Variants in CDC42BPA observed in about 807,000 individuals in gnomAD.
CDC42BPA encodes CDC42 binding protein kinase alpha.
In CDC42BPA, 80 loss-of-function variants were observed where a neutral mutation model predicts 223.5. The observed-to-expected ratio is 0.36, with a 90% CI of 0.30 to 0.43. The LOEUF (loss-of-function observed/expected upper bound fraction) is 0.43, where lower values mean the gene tolerates loss of function less well. Among genes scored for constraint, CDC42BPA ranks in the 20% least tolerant of loss-of-function variants. The probability of loss-of-function intolerance (pLI) is 1.00; values close to 1 mark genes in which losing one functional copy is unlikely to be tolerated. For missense variants in CDC42BPA, 1,743 were observed against 2,099.9 expected, an observed-to-expected ratio of 0.83 and a Z score of 3.32; for synonymous variants, 694 against 718.6, an observed-to-expected ratio of 0.97 and a Z score of 0.55.
At chr1:227,116,805 A>G (rs1687846974) in intron 12 of CDC42BPA, among the ~76,000 whole-genome samples, 1 of 152,188 alleles carries the variant, frequency 6.6e-6, no homozygotes, top group African/African-American at 2.4e-5. Flanking sequence ...TAAGAGATTT[A>G]CCTTCTGGAG....
At chr1:227,271,837 T>C (rs1314584162) in intron 1 of CDC42BPA, among the ~76,000 whole-genome samples, 1 of 152,188 alleles carries the variant, frequency 6.6e-6, no homozygotes, top group East Asian at 1.9e-4. Context: ...AACAATCTCA[T>C]TACATGCCTT....
intron 1 of CDC42BPA, among the ~76,000 whole-genome samples, chr1:227,259,008 T>C (rs368541680): frequency 1.3e-5 from 2 of 151,260 alleles, no homozygotes; most frequent in East Asian, 3.9e-4. Context: ...TCTGAATAGA[T>C]GCTATTAGTG....
chr1:227,001,864 G>A (rs1662920131), intron 35 of CDC42BPA, among the ~76,000 whole-genome samples: 1 of 152,016 alleles, frequency 6.6e-6, no homozygotes, highest in Admixed American at 6.6e-5. Context: ...CCAAGATCGT[G>A]CCACTGCACT....
rs1039979787 is a variant in CDC42BPA, at chr1:226,991,992, G to A, written c.*2276C>T. ...TGGGGATGGGGAGGGTGGGAAGAGT[G>A]AGGAGGAGAGGAGGGGAGGGTGGGG... On this transcript the variant is annotated 3_prime_UTR_variant, in exon 37 of 37. Coordinates refer to ENST00000366766, the MANE Select transcript of CDC42BPA (RefSeq NM_001394014.1). 1 of 139,322 alleles carries A rather than the reference G, an allele frequency of 7.2e-6. No homozygotes were observed. The highest frequency in any genetic ancestry group is 7.2e-5 in the Admixed American group (1 of 13,900). 8.6% of individuals were successfully genotyped at this position (139,322 alleles called of 1,614,324 possible).
rs1661038962 is a variant in CDC42BPA at position 226,993,769 on chromosome 1, TAATTCATAA to T, written c.*490_*498del. On this transcript the variant is annotated 3_prime_UTR_variant, in exon 37 of 37. Coordinates refer to ENST00000366766, the MANE Select transcript of CDC42BPA (RefSeq NM_001394014.1). ...TACTGTAGTAAAATATGCATTGTTT[TAATTCATAA>T]GGATTTCCTGGCAACAATCAGGTTG... 1 of 154,958 alleles carries T rather than the reference TAATTCATAA, an allele frequency of 6.5e-6. No individual in the cohort carries two copies. Among genetic ancestry groups the T allele is most frequent in the Non-Finnish European group, 1.4e-5 (1 of 69,400 alleles). The allele number at this position is 154,958 out of a possible 1,614,324, so 9.6% of individuals were successfully genotyped here. A position where few individuals can be genotyped will look rare whatever the true frequency, so the allele number is the denominator to read the frequency against.
chr1:227,073,609 G>T (rs1461845726), intron 19 of CDC42BPA, among the ~76,000 whole-genome samples: 1 of 151,994 alleles, frequency 6.6e-6, no homozygotes, highest in Non-Finnish European at 1.5e-5. Context: ...ATTTTATGAG[G>T]AAAATTAAAT....
intron 1 of CDC42BPA, among the ~76,000 whole-genome samples, chr1:227,302,943 G>A (rs956813126): frequency 5.4e-5 from 8 of 148,814 alleles, no homozygotes; most frequent in Non-Finnish European, 1.0e-4. Flanking sequence ...CTGACTTCAT[G>A]ATTGCAGGAT....
intron 24 of CDC42BPA, among the ~76,000 whole-genome samples, chr1:227,038,994 C>T (rs372666230): frequency 6.6e-6 from 1 of 152,154 alleles, no homozygotes; most frequent in South Asian, 2.1e-4. Flanking sequence ...AGCAGAAAAA[C>T]GCCTGGGAAA....
intron 1 of CDC42BPA, among the ~76,000 whole-genome samples, chr1:227,283,376 C>T (rs897775608): frequency 6.6e-6 from 1 of 152,078 alleles, no homozygotes. Context: ...CAGGCTTACT[C>T]TTCATATCCT....
intron 2 of CDC42BPA, among the ~76,000 whole-genome samples, chr1:227,227,183 A>G (rs1677007998): frequency 6.6e-6 from 1 of 152,136 alleles, no homozygotes; most frequent in Admixed American, 6.5e-5. Context: ...GGATATATAA[A>G]CAAATGCCTT....
chr1:227,232,363 T>C (rs1572519989), intron 2 of CDC42BPA, among the ~76,000 whole-genome samples: 1 of 152,206 alleles, frequency 6.6e-6, no homozygotes, highest in Non-Finnish European at 1.5e-5. Context: ...ACCAGTACCA[T>C]GCTGTTTTGG....
intron 1 of CDC42BPA, 25 bp downstream of exon 1, chr1:227,316,980 G>A: frequency 6.4e-6 from 10 of 1,560,706 alleles, no homozygotes; most frequent in Non-Finnish European, 8.8e-6. Context: ...AAGATTAACA[G>A]TTTCTTTAAA....
chr1:227,025,675 A>C (rs558590137), intron 31 of CDC42BPA, among the ~76,000 whole-genome samples: 1 of 152,172 alleles, frequency 6.6e-6, no homozygotes, highest in Admixed American at 6.5e-5. Context: ...TAGCCTTTTA[A>C]ATCTGTCCTC....
At chr1:227,232,177 A>T (rs10799409) in intron 2 of CDC42BPA, among the ~76,000 whole-genome samples, 31,037 of 152,086 alleles carry the variant, frequency 0.2, 3,269 homozygotes, top group East Asian at 0.26. Context: ...TAAGGAAGGG[A>T]TCCAGTTTCA....
At chr1:226,998,828 C>A (rs1388751041) in intron 35 of CDC42BPA, among the ~76,000 whole-genome samples, 1 of 152,078 alleles carries the variant, frequency 6.6e-6, no homozygotes, top group Non-Finnish European at 1.5e-5. Flanking sequence ...TTCTGCACAG[C>A]AAAAGAAACT....
intron 1 of CDC42BPA, among the ~76,000 whole-genome samples, chr1:227,309,594 A>AG (rs1693168843): frequency 6.6e-6 from 1 of 152,264 alleles, no homozygotes; most frequent in African/African-American, 2.4e-5. Flanking sequence ...TTTTAAAACT[A>AG]TGAGTCCATG....
chr1:227,211,805 T>C (rs1381418486), intron 3 of CDC42BPA, among the ~76,000 whole-genome samples: 4 of 152,112 alleles, frequency 2.6e-5, no homozygotes, highest in Non-Finnish European at 1.5e-5. Flanking sequence ...ACAAGTTGCC[T>C]ATTGGGTCCA....
At chr1:227,235,468 A>C (rs1027559402) in intron 2 of CDC42BPA, 1 of 152,176 alleles carries the variant, frequency 6.6e-6, no homozygotes, top group Non-Finnish European at 1.5e-5. Context: ...ATGGGTGAGA[A>C]GTCCTTTTAT....
chr1:227,078,970 A>G (rs1431419159), intron 17 of CDC42BPA, among the ~76,000 whole-genome samples: 8 of 152,146 alleles, frequency 5.3e-5, no homozygotes, highest in Admixed American at 5.2e-4. Flanking sequence ...AAAGAAATCC[A>G]AAATACTTCC....
Sources: allele counts gnomAD v4.1 joint callset (sites outside exome capture counted in the v4.1 genomes callset), GRCh38; gene constraint gnomAD v4.1.1; transcripts MANE v1.5; gene names NCBI Gene and HGNC (gene_info 2026-07-23, HGNC 2026-07-21).